TENM4: variants seen among roughly 807,000 people sequenced by gnomAD.
The protein encoded by TENM4 is teneurin transmembrane protein 4, also known as teneurin-4.
A neutral mutation model predicts 243.3 loss-of-function variants in TENM4; 82 were observed. That is an observed-to-expected ratio of 0.34 (90% CI 0.28 to 0.40). The LOEUF is 0.40. Among genes scored for constraint, TENM4 ranks in the 10% least tolerant of loss-of-function variants. The probability of loss-of-function intolerance (pLI) is 1.00; values close to 1 mark genes in which losing one functional copy is unlikely to be tolerated. For synonymous variants in TENM4, 1,412 were observed against 1,456.3 expected (o/e 0.97, Z 0.69); for missense variants, 3,138 against 3,673.3 (o/e 0.85, Z 3.77).
At chr11:78,823,541 G>A (rs1248113609) in intron 12 of TENM4, among the ~76,000 whole-genome samples, 3 of 152,234 alleles carry the variant, frequency 2.0e-5, no homozygotes, top group Non-Finnish European at 2.9e-5. Flanking sequence ...GGTCAAGGTG[G>A]AACCAAAGTG....
chr11:79,065,253 T>C (rs1860215152), intron 5 of TENM4, among the ~76,000 whole-genome samples: 1 of 152,156 alleles, frequency 6.6e-6, no homozygotes, highest in African/African-American at 2.4e-5. Context: ...CTCTGTGAAG[T>C]CTACCCCAAT....
chr11:78,856,260 G>A (rs751097051), intron 10 of TENM4, 82 bp from the exon 11 acceptor site: 33 of 1,224,682 alleles, frequency 2.7e-5, no homozygotes, highest in Non-Finnish European at 3.7e-5. Flanking sequence ...CTGAACACCC[G>A]GGACTCTCCT....
chr11:79,307,407 C>T (rs1014624721), intron 1 of TENM4, among the ~76,000 whole-genome samples: 3 of 152,194 alleles, frequency 2.0e-5, no homozygotes, highest in Non-Finnish European at 4.4e-5. Flanking sequence ...CCTGACACCG[C>T]TCTCTCCTGC....
chr11:78,830,357 C>T (rs962038524), intron 12 of TENM4, among the ~76,000 whole-genome samples: 1 of 152,184 alleles, frequency 6.6e-6, no homozygotes, highest in Non-Finnish European at 1.5e-5. Flanking sequence ...GGCCCAGCAG[C>T]CCAAGGTAGA....
intron 4 of TENM4, among the ~76,000 whole-genome samples, chr11:79,076,075 G>A (rs1343639377): frequency 6.6e-6 from 1 of 152,184 alleles, no homozygotes; most frequent in Non-Finnish European, 1.5e-5. Context: ...GTGTGTCTGT[G>A]GAGAAGGAGA....
At chr11:78,978,757 G>A (rs796718663) in intron 6 of TENM4, among the ~76,000 whole-genome samples, 2 of 152,146 alleles carry the variant, frequency 1.3e-5, no homozygotes, top group African/African-American at 2.4e-5. Flanking sequence ...AGAGAAAAGA[G>A]TTCATACTTT....
chr11:78,675,292 G>C (rs570454865), intron 30 of TENM4, among the ~76,000 whole-genome samples: 8 of 152,206 alleles, frequency 5.3e-5, no homozygotes, highest in African/African-American at 1.9e-4. Flanking sequence ...AAGGGCAGGG[G>C]ACTTAAGAGA....
At chr11:79,321,575 G>A (rs920088630) in intron 1 of TENM4, among the ~76,000 whole-genome samples, 5 of 144,136 alleles carry the variant, frequency 3.5e-5, no homozygotes, top group African/African-American at 5.2e-5. Context: ...GGAAGCAGGC[G>A]ATCTCAGTTC....
chr11:79,280,728 T>C (rs1416317228), intron 2 of TENM4, among the ~76,000 whole-genome samples: 3 of 152,086 alleles, frequency 2.0e-5, no homozygotes, highest in South Asian at 4.1e-4. Flanking sequence ...TGAAACATCA[T>C]TAAGGACATA....
At chr11:79,264,528 C>T (rs543112963) in intron 2 of TENM4, among the ~76,000 whole-genome samples, 60 of 152,242 alleles carry the variant, frequency 3.9e-4, no homozygotes, top group Non-Finnish European at 6.0e-4. Flanking sequence ...GGCAATACCT[C>T]CTGAATATTC....
chr11:79,431,939 A>G (rs1463823748), intron 1 of TENM4, among the ~76,000 whole-genome samples: 1 of 152,140 alleles, frequency 6.6e-6, no homozygotes, highest in Non-Finnish European at 1.5e-5. Flanking sequence ...CCCAACCTTA[A>G]TCGAATGTCT....
chr11:79,380,447 C>T (rs1857978122), intron 1 of TENM4, among the ~76,000 whole-genome samples: 1 of 152,152 alleles, frequency 6.6e-6, no homozygotes, highest in South Asian at 2.1e-4. Context: ...CTTGGGGGCC[C>T]ACTTGCTGAG....
intron 6 of TENM4, among the ~76,000 whole-genome samples, chr11:78,912,488 C>T (rs1306948978): frequency 6.6e-6 from 1 of 152,204 alleles, no homozygotes; most frequent in Non-Finnish European, 1.5e-5. Flanking sequence ...AACTCCTGAC[C>T]TTGTGATTTG....
rs370829010 is a variant in TENM4 at position 78,702,193 on chromosome 11, C to T, written c.4420G>A (p.Ala1474Thr). The change falls in exon 28 of 34, where the codon GCT becomes ACT. Residue 1474 changes from alanine (A) to threonine (T), a missense_variant. Around this residue, in one of 2 missense-constraint regions of TENM4, gnomAD observed 2,467 missense variants for 3,059.1 expected, o/e 0.81. Coordinates refer to ENST00000278550, the MANE Select transcript of TENM4 (RefSeq NM_001098816.3). ...HATLESATAL[A>T]VSHNGVLYIA... ...TACAGGACCCCATTGTGTGAAACAG[C>T]CAAAGCGGTGGCTGACTCCAGGGTT... 4 of 1,613,918 alleles carry T rather than the reference C, an allele frequency of 2.5e-6. No individual in the cohort carries two copies. In the African/African-American group the frequency reaches 4.0e-5, roughly 16 times the overall value.
chr11:78,933,341 T>C (rs1320592194), intron 6 of TENM4, among the ~76,000 whole-genome samples: 2 of 152,162 alleles, frequency 1.3e-5, no homozygotes, highest in Non-Finnish European at 2.9e-5. Context: ...GCAATAATTA[T>C]TACAACACAC....
intron 1 of TENM4, among the ~76,000 whole-genome samples, chr11:79,353,312 A>AACAGATCTT (rs1668103760): frequency 6.6e-6 from 1 of 152,136 alleles, no homozygotes. Flanking sequence ...TATCTGATAA[A>AACAGATCTT]ACAGATCTTA....
At chr11:78,826,547 T>A (rs545714445) in intron 12 of TENM4, among the ~76,000 whole-genome samples, 4 of 152,246 alleles carry the variant, frequency 2.6e-5, no homozygotes, top group East Asian at 3.9e-4. Context: ...GACTGCTGCA[T>A]CAGCATTCTA....
chr11:79,294,517 A>G (rs973151994), intron 2 of TENM4, among the ~76,000 whole-genome samples: 1 of 152,168 alleles, frequency 6.6e-6, no homozygotes, highest in African/African-American at 2.4e-5. Context: ...AGTTTTCTGC[A>G]ATCTCACAGA....
chr11:78,886,434 G>C (rs1228999999), intron 9 of TENM4, among the ~76,000 whole-genome samples: 1 of 152,230 alleles, frequency 6.6e-6, no homozygotes, highest in Non-Finnish European at 1.5e-5. Flanking sequence ...GCAGCTGCAG[G>C]AGAGCAAGCA....
Sources: allele counts gnomAD v4.1 joint callset (sites outside exome capture counted in the v4.1 genomes callset), GRCh38; gene constraint gnomAD v4.1.1; regional missense constraint gnomAD v4.1.1; transcripts MANE v1.5; gene names NCBI Gene and HGNC (gene_info 2026-07-23, HGNC 2026-07-21).